Variants in ILDR1 observed in about 807,000 individuals in gnomAD.
The protein encoded by ILDR1 is immunoglobulin-like domain-containing receptor 1.
Under a neutral mutation model 62.4 loss-of-function variants are expected in ILDR1, and 56 were observed. The observed-to-expected ratio is 0.90, with a 90% CI of 0.72 to 1.12. The LOEUF (loss-of-function observed/expected upper bound fraction) is 1.12. Ranked by LOEUF, ILDR1 falls within the 50% of genes most tolerant of loss-of-function variation. The pLI is 0.00. For missense variants in ILDR1, 736 were observed against 710.6 expected (o/e 1.04, Z -0.41); for synonymous variants, 284 against 277.8 (o/e 1.02, Z -0.22).
At chr3:122,030,191 T>C in the ILDR1 span, among the ~76,000 whole-genome samples, 1 of 152,142 alleles carries the variant, frequency 6.6e-6, no homozygotes, top group Non-Finnish European at 1.5e-5. Flanking sequence ...TTCAACATTT[T>C]ATTATAAGGG....
the ILDR1 span, among the ~76,000 whole-genome samples, chr3:122,050,667 A>C: frequency 0.015 from 2,182 of 148,152 alleles, 58 homozygotes; most frequent in African/African-American, 0.052. Context: ...TACCAGAATT[A>C]AGTGATTTAC....
At chr3:121,991,016 A>C (rs995246931) in intron 7 of ILDR1, among the ~76,000 whole-genome samples, 1 of 152,204 alleles carries the variant, frequency 6.6e-6, no homozygotes, top group Non-Finnish European at 1.5e-5. Context: ...CCCGGCCAAC[A>C]TGGTGAAACC....
rs200992174 is a variant in ILDR1, at chr3:122,005,309, C to A, written c.314G>T (p.Arg105Leu). ...NQREVRIVAQ[R>L]RGQNEPVLGV... Reference sequence around the variant, plus strand: ...CAGCACGGGCTCATTCTGCCCCCGCCGCTGGGCCACTATGCGAACTTCCCG... The same window carrying A: ...CAGCACGGGCTCATTCTGCCCCCGCAGCTGGGCCACTATGCGAACTTCCCG... Residue 105 changes from arginine (R) to leucine (L), a missense_variant, in exon 3 of 8, where the codon CGG (arginine) becomes CTG (leucine). By Grantham distance (102) the Arg-to-Leu change is moderately radical. Transcript: ENST00000344209. The A allele has an allele frequency of 1.2e-6, 2 of 1,614,000 alleles. No homozygotes were observed. The highest frequency in any genetic ancestry group is 8.5e-7 in the Non-Finnish European group (1 of 1,179,964).
chr3:122,029,230 G>T, the ILDR1 span, among the ~76,000 whole-genome samples: 1 of 152,120 alleles, frequency 6.6e-6, no homozygotes, highest in Non-Finnish European at 1.5e-5. Flanking sequence ...AGGGGGGCCG[G>T]GTGTGGTGGC....
intron 1 of ILDR1, among the ~76,000 whole-genome samples, chr3:122,013,589 G>A (rs898372535): frequency 6.6e-6 from 1 of 152,116 alleles, no homozygotes; most frequent in Non-Finnish European, 1.5e-5. Context: ...CATTTCCTCA[G>A]ATAACAGTGC....
the ILDR1 span, among the ~76,000 whole-genome samples, chr3:122,057,120 A>C: frequency 1.3e-5 from 2 of 152,252 alleles, no homozygotes; most frequent in Non-Finnish European, 2.9e-5. Context: ...TATCTTGCTA[A>C]GAAGGGAGGA....
chr3:121,993,989 AG>A lies in ILDR1; in HGVS notation c.779-20del, dbSNP rs753790457. ...GACAAATCTGAATGGAAACAAGGAC[AG>A]GACAATAGAACAAATGGCCCAAAAC... On this transcript the variant is annotated intron_variant, in intron 6 of 7. Coordinates refer to ENST00000344209, the MANE Select transcript of ILDR1 (RefSeq NM_001199799.2). 1.5e-5 allele frequency: 24 copies of A among 1,601,614 alleles called. No individual in the cohort carries two copies. The South Asian group carries it at 2.6e-4, about 18-fold the overall frequency.
the ILDR1 span, chr3:122,055,578 T>G: frequency 7.6e-7 from 1 of 1,310,300 alleles, no homozygotes; most frequent in Non-Finnish European, 1.1e-6. Flanking sequence ...TTGAAGATGG[T>G]GCTTTGATGT....
At chr3:122,043,392 G>A in the ILDR1 span, among the ~76,000 whole-genome samples, 20,229 of 131,154 alleles carry the variant, frequency 0.15, 1,571 homozygotes, top group Middle Eastern at 0.22. Context: ...TTGACTTGGC[G>A]ATGTGGGCTC....
At chr3:121,998,358 C>G (rs746614757) in intron 5 of ILDR1, among the ~76,000 whole-genome samples, 1 of 152,222 alleles carries the variant, frequency 6.6e-6, no homozygotes. Context: ...CCTTACTCCT[C>G]TAACCAAAGA....
chr3:122,006,860 A>T (rs1336876668), intron 2 of ILDR1, 131 bp downstream of exon 2: 2 of 935,706 alleles, frequency 2.1e-6, no homozygotes, highest in Admixed American at 2.1e-5. Context: ...CAGAGGAACT[A>T]CATTAGGTGA....
chr3:122,033,039 CCAATGTAGTATG>C, the ILDR1 span, among the ~76,000 whole-genome samples: 1 of 152,202 alleles, frequency 6.6e-6, no homozygotes, highest in Non-Finnish European at 1.5e-5. Flanking sequence ...CAATAGATAA[CCAATGTAGTATG>C]CATATGTTCA....
intron 2 of ILDR1, among the ~76,000 whole-genome samples, chr3:122,005,945 A>AAT (rs1553744789): frequency 1.3e-4 from 19 of 151,860 alleles, no homozygotes; most frequent in South Asian, 6.3e-4. Flanking sequence ...ACAAAAAAAA[A>AAT]ACCAAAACAG....
At chr3:122,023,003 G>C (rs1436805046), upstream of ILDR1, among the ~76,000 whole-genome samples, 1 of 150,712 alleles carries the variant, frequency 6.6e-6, no homozygotes, top group African/African-American at 2.4e-5. Flanking sequence ...GTTGACTCAA[G>C]TTTCTACAAC....
At chr3:122,019,536 A>T (rs2071827780) in intron 1 of ILDR1, among the ~76,000 whole-genome samples, 1 of 152,178 alleles carries the variant, frequency 6.6e-6, no homozygotes, top group African/African-American at 2.4e-5. Context: ...AGTTTGGCTT[A>T]AAAATTAAGG....
chr3:122,060,660 C>G, the ILDR1 span, among the ~76,000 whole-genome samples: 2 of 152,002 alleles, frequency 1.3e-5, no homozygotes, highest in African/African-American at 4.8e-5. Context: ...AAAAGGCTAA[C>G]CAAAAATAAA....
chr3:122,005,218 T>A, intron 3 of ILDR1, 26 bp downstream of exon 3: 13 of 1,345,156 alleles, frequency 9.7e-6, no homozygotes, highest in South Asian at 2.4e-5. Flanking sequence ...CACCCCCAGT[T>A]CCCCTGACAC....
intron 3 of ILDR1, 97 bp downstream of exon 3, chr3:122,005,147 G>T (rs1276981323): frequency 3.4e-6 from 3 of 876,488 alleles, no homozygotes; most frequent in Non-Finnish European, 5.5e-6. Context: ...ACAGGCAGCA[G>T]AAAGAAATGG....
intron 5 of ILDR1, among the ~76,000 whole-genome samples, chr3:122,000,682 T>G (rs537651418): frequency 6.6e-6 from 1 of 152,348 alleles, no homozygotes; most frequent in African/African-American, 2.4e-5. Context: ...GAAGCACAGG[T>G]GACAACCTAC....
Sources: allele counts gnomAD v4.1 joint callset (sites outside exome capture counted in the v4.1 genomes callset), GRCh38; gene constraint gnomAD v4.1.1; transcripts MANE v1.5; gene names NCBI Gene and HGNC (gene_info 2026-07-23, HGNC 2026-07-21).